The following NTMT2 variants were observed in gnomAD, a reference collection of about 807,000 sequenced individuals.
The protein encoded by NTMT2 is N-terminal Xaa-Pro-Lys N-methyltransferase 2.
A neutral mutation model predicts 23.4 loss-of-function variants in NTMT2; 21 were observed. The ratio of observed to expected loss-of-function variants is 0.90; its 90% CI spans 0.64 to 1.29. The LOEUF (loss-of-function observed/expected upper bound fraction) is 1.29, where lower values mean the gene tolerates loss of function less well. NTMT2 is among the 50% of genes most tolerant of loss of function. NTMT2 has a pLI of 0.00. For missense variants in NTMT2, 336 were observed against 352.0 expected, an observed-to-expected ratio of 0.95 and a Z score of 0.36; for synonymous variants, 131 against 127.7, an observed-to-expected ratio of 1.03 and a Z score of -0.17.
Position 170,166,509 on chromosome 1 carries a change from G to A in NTMT2, c.338G>A (p.Gly113Glu). The change falls in exon 3 of 4, where the codon GGG becomes GAG. Residue 113 changes from glycine (G) to glutamate (E), a missense_variant. Coordinates refer to ENST00000439373, the MANE Select transcript of NTMT2 (RefSeq NM_001136107.2). ...KFLRKFVGGP[G>E]RAGTDCALDC... ...CAAGGTGCCTTTCTGCAGGGGCCTG[G>A]GAGAGCTGGAACAGACTGCGCCTTG... 2 of 1,552,296 alleles carry A rather than the reference G, an allele frequency of 1.3e-6. No homozygotes were observed. Among genetic ancestry groups the A allele is most frequent in the Middle Eastern group, 1.7e-4 (1 of 5,988 alleles).
chr1:170,160,885 C>T (rs1266316032), intron 2 of NTMT2, among the ~76,000 whole-genome samples, 192 bp downstream of exon 2: 1 of 152,182 alleles, frequency 6.6e-6, no homozygotes, highest in Non-Finnish European at 1.5e-5. Flanking sequence ...ATAACACTGT[C>T]TTACCCTCCC....
At chr1:170,160,000 C>G (rs1049326418) in intron 1 of NTMT2, among the ~76,000 whole-genome samples, 3 of 152,116 alleles carry the variant, frequency 2.0e-5, no homozygotes, top group African/African-American at 7.2e-5. Context: ...AAGCACATTT[C>G]TGTAATATTG....
intron 1 of NTMT2, among the ~76,000 whole-genome samples, chr1:170,147,982 A>T (rs1038763245): frequency 1.3e-5 from 2 of 152,000 alleles, no homozygotes; most frequent in Non-Finnish European, 2.9e-5. Flanking sequence ...TTGACCTTTT[A>T]AAAAAACATT....
In NTMT2 at chr1:170,145,972, C is replaced by A; in HGVS notation, c.-136C>A. 2.5e-6 allele frequency: 2 copies of A among 812,042 alleles called. No homozygotes were observed. Among genetic ancestry groups the A allele is most frequent in the African/African-American group, 1.8e-5 (1 of 56,936 alleles). 50.3% of individuals were successfully genotyped at this position (812,042 alleles called of 1,614,324 possible). A position where few individuals can be genotyped will look rare whatever the true frequency, so the allele number is the denominator to read the frequency against. On this transcript the variant is annotated 5_prime_UTR_variant, in exon 1 of 4. Coordinates refer to ENST00000439373, the MANE Select transcript of NTMT2 (RefSeq NM_001136107.2). ...CCCCTCCTCCCCACACCCATGACAGCCTGTCCTGATATAGATGGAGAGGGG... is the reference window on the plus strand; with the variant it reads ...CCCCTCCTCCCCACACCCATGACAGACTGTCCTGATATAGATGGAGAGGGG...
rs894523519 is a variant in NTMT2, at chr1:170,166,135, T to C, written c.331-367T>C. Among the ~76,000 whole-genome samples, 51 of 83,890 alleles carry C rather than the reference T, an allele frequency of 6.1e-4. 1 individual carries two copies. In the South Asian group the frequency reaches 0.017, roughly 27 times the overall value. 55.0% of individuals were successfully genotyped at this position (83,890 alleles called of 152,430 possible). ...TGTGCAATTTTCTTTCTTTTTTTTT[T>C]TTTTCTTTTTTTTTTTTTTTTTGAG... On this transcript the variant is annotated intron_variant, in intron 2 of 3. Transcript: ENST00000439373.
chr1:170,155,043 AT>A (rs1673138944), intron 1 of NTMT2, among the ~76,000 whole-genome samples: 1 of 151,866 alleles, frequency 6.6e-6, no homozygotes, highest in African/African-American at 2.4e-5. Context: ...GCCATGTGAC[AT>A]GCCTGCTCTG....
In NTMT2 at chr1:170,146,219, T is replaced by TATC. The variant is rs1318999317; in HGVS notation, c.112_113insATC (p.Phe38delinsTyrLeu). The TATC allele has an allele frequency of 3.9e-6, 6 of 1,550,930 alleles. No homozygotes were observed. Among genetic ancestry groups the TATC allele is most frequent in the Admixed American group, 2.0e-5 (1 of 50,822 alleles). The stretch of plus-strand genomic sequence containing the variant: ...CCTTCACAAAGCCATTCGCAATGAC[T>TATC]TCTTTCAGAGCTATCTCTACCTGCT... On this transcript the variant is annotated protein_altering_variant, in exon 1 of 4. Transcript: ENST00000439373.
chr1:170,159,555 C>T (rs1173045729), intron 1 of NTMT2, among the ~76,000 whole-genome samples: 1 of 149,810 alleles, frequency 6.7e-6, no homozygotes, highest in Non-Finnish European at 1.5e-5. Flanking sequence ...GTTCCGTCTG[C>T]TTTTTGTTGT....
chr1:170,161,726 A>T (rs921128172), intron 2 of NTMT2: 6 of 152,198 alleles, frequency 3.9e-5, no homozygotes, highest in African/African-American at 1.4e-4. Context: ...TGCTATTACT[A>T]CTACTAACAG....
intron 1 of NTMT2, among the ~76,000 whole-genome samples, chr1:170,148,207 G>C (rs888544169): frequency 7.6e-6 from 1 of 132,234 alleles, no homozygotes; most frequent in Non-Finnish European, 1.5e-5. Context: ...GGAGTGCAGT[G>C]GTGCAATCTC....
chr1:170,167,820 T>C lies in NTMT2; in HGVS notation c.*63T>C. The C allele has an allele frequency of 6.8e-7, 1 of 1,473,506 alleles. No homozygotes were observed. The highest frequency in any genetic ancestry group is 1.4e-5 in the South Asian group (1 of 72,678). 91.3% of individuals were successfully genotyped at this position (1,473,506 alleles called of 1,614,324 possible). A position where few individuals can be genotyped will look rare whatever the true frequency, so the allele number is the denominator to read the frequency against. On this transcript the variant is annotated 3_prime_UTR_variant, in exon 4 of 4. Transcript: ENST00000439373. Reference sequence around the variant, plus strand: ...TGCTTTGGGATGGGGTTGCTATCCTTCCAGGTGCCCCTTGTAATGCAGATA... The same window carrying C: ...TGCTTTGGGATGGGGTTGCTATCCTCCCAGGTGCCCCTTGTAATGCAGATA...
chr1:170,148,079 T>C (rs934372619), intron 1 of NTMT2, among the ~76,000 whole-genome samples: 6 of 151,530 alleles, frequency 4.0e-5, no homozygotes, highest in Middle Eastern at 3.4e-3. Context: ...CTGCATAGGA[T>C]TGGGGGCAGG....
chr1:170,146,863 AT>A (rs71557681), intron 1 of NTMT2, among the ~76,000 whole-genome samples: 44,796 of 152,064 alleles, frequency 0.29, 7,330 homozygotes, highest in African/African-American at 0.43. Context: ...TTTTCAGAGA[AT>A]TGGACAATAG....
At chr1:170,152,807 T>G (rs1203423080) in intron 1 of NTMT2, among the ~76,000 whole-genome samples, 1 of 152,190 alleles carries the variant, frequency 6.6e-6, no homozygotes, top group Non-Finnish European at 1.5e-5. Context: ...TGTTTTCACA[T>G]GCATTATCTC....
rs553380462 is a variant in NTMT2, at chr1:170,147,060, T to C, written c.154+799T>C. On this transcript the variant is annotated intron_variant, in intron 1 of 3. Transcript: ENST00000439373. ...AAGAAGGCTGTGTATCAGCCTAGTCTGTTTTCTTAAGGTCGTTTGAAAGCC... is the reference window on the plus strand; with the variant it reads ...AAGAAGGCTGTGTATCAGCCTAGTCCGTTTTCTTAAGGTCGTTTGAAAGCC... 3.9e-5 allele frequency among the ~76,000 whole-genome samples: 6 copies of C among 152,244 alleles called. No individual in the cohort carries two copies. In the South Asian group the frequency reaches 1.0e-3, roughly 26 times the overall value.
chr1:170,162,043 C>T (rs574947082), intron 2 of NTMT2, among the ~76,000 whole-genome samples: 2 of 152,234 alleles, frequency 1.3e-5, no homozygotes, highest in African/African-American at 4.8e-5. Flanking sequence ...TGAGCTGAGA[C>T]CGTGCCAGTG....
intron 2 of NTMT2, among the ~76,000 whole-genome samples, chr1:170,164,121 CAAAAAAA>C (rs36025340): frequency 9.8e-6 from 1 of 101,960 alleles, no homozygotes; most frequent in African/African-American, 3.6e-5. Context: ...GACTCTATCT[CAAAAAAA>C]AAAAAAAAAA....
intron 2 of NTMT2, among the ~76,000 whole-genome samples, chr1:170,164,849 T>C (rs376373171): frequency 6.6e-6 from 1 of 152,202 alleles, no homozygotes; most frequent in Non-Finnish European, 1.5e-5. Flanking sequence ...ATAATCTATA[T>C]TGTGGAGTTT....
At chr1:170,149,350 AC>A (rs1673024287) in intron 1 of NTMT2, among the ~76,000 whole-genome samples, 1 of 152,196 alleles carries the variant, frequency 6.6e-6, no homozygotes, top group Non-Finnish European at 1.5e-5. Context: ...TGCCAGTGTG[AC>A]TTTTATTCAA....
Sources: gnomAD v4.1 joint callset for allele counts (sites outside exome capture counted in the v4.1 genomes callset) on GRCh38, gnomAD v4.1.1 for gene constraint, MANE v1.5 for transcripts, NCBI Gene and HGNC (gene_info 2026-07-23, HGNC 2026-07-21) for gene names.